Variants in GTF2I observed in about 807,000 individuals in gnomAD.
GTF2I encodes general transcription factor II-I.
GTF2I carries 12 observed loss-of-function variants against 67.6 expected under a neutral mutation model. The observed-to-expected ratio is 0.18, with a 90% confidence interval of 0.11 to 0.29. The LOEUF (loss-of-function observed/expected upper bound fraction) is 0.29, where lower values mean the gene tolerates loss of function less well. Among genes scored for constraint, GTF2I ranks in the 10% least tolerant of loss-of-function variants. The probability of loss-of-function intolerance (pLI) is 1.00; values close to 1 mark genes in which losing one functional copy is unlikely to be tolerated. For synonymous variants in GTF2I, 149 were observed against 197.0 expected (o/e 0.76, Z 2.04); for missense variants, 271 against 580.1 (o/e 0.47, Z 5.47).
intron 4 of GTF2I, 36 bp from the exon 5 acceptor site, chr7:74,700,211 A>G (rs782195918): frequency 5.0e-6 from 8 of 1,599,858 alleles, no homozygotes; most frequent in East Asian, 2.2e-5. Flanking sequence ...TAATCTTACC[A>G]TTGAATGATG....
rs1006675229 is a variant in GTF2I at position 74,663,008 on chromosome 7, A to C, written c.-6+4940A>C. On this transcript the variant is annotated intron_variant, in intron 1 of 34. Transcript: ENST00000573035. The stretch of plus-strand genomic sequence containing the variant: ...TGTTCTGGCATTTTCGATGACCCAT[A>C]GGTGGACAGGTTGTTATCATCTAAA... Among the ~76,000 whole-genome samples the C allele has an allele frequency of 2.0e-5, 3 of 152,124 alleles. No individual in the cohort carries two copies. The East Asian group carries it at 5.8e-4, about 29-fold the overall frequency.
intron 1 of GTF2I, among the ~76,000 whole-genome samples, chr7:74,661,886 T>TC (rs1392608880): frequency 2.4e-4 from 36 of 152,242 alleles, no homozygotes; most frequent in African/African-American, 7.9e-4. Flanking sequence ...TTGGCTTTTT[T>TC]CCCACTCTGA....
intron 1 of GTF2I, among the ~76,000 whole-genome samples, chr7:74,666,258 G>A (rs782810827): frequency 9.2e-5 from 14 of 152,182 alleles, no homozygotes; most frequent in Admixed American, 2.0e-4. Context: ...CATACATGAC[G>A]TGAGTAGAAT....
intron 8 of GTF2I, among the ~76,000 whole-genome samples, chr7:74,707,172 C>T (rs1359024337): frequency 6.6e-6 from 1 of 152,220 alleles, no homozygotes; most frequent in African/African-American, 2.4e-5. Context: ...TCTGTTCTGT[C>T]CTAGAACCGT....
rs137948053 is a variant in GTF2I at position 74,675,072 on chromosome 7, C to G, written c.-5-14052C>G. On this transcript the variant is annotated intron_variant, in intron 1 of 34. Coordinates refer to ENST00000573035, the MANE Select transcript of GTF2I (RefSeq NM_032999.4). The stretch of plus-strand genomic sequence containing the variant: ...TTTGCCATGTTGGCCAGGCTGGTGT[C>G]GAACTCCTGACCTCAGGTGATCCAC... Among the ~76,000 whole-genome samples, 870 of 145,094 alleles carry G rather than the reference C, an allele frequency of 6.0e-3. 10 individuals are homozygous for G. The highest frequency in any genetic ancestry group is 0.021 in the African/African-American group (825 of 39,088).
rs587667629 is a variant in GTF2I at position 74,666,215 on chromosome 7, C to G, written c.-6+8147C>G. On this transcript the variant is annotated intron_variant, in intron 1 of 34. Transcript: ENST00000573035. ...TGTTGTTCATTTTAATTTGTTATAT[C>G]TAGAAATTTAGCTCTTACTGTTGAC... is the stretch of plus-strand genomic sequence containing the variant. Among the ~76,000 whole-genome samples the G allele has an allele frequency of 2.0e-5, 3 of 152,266 alleles. No homozygotes were observed. In the South Asian group the frequency reaches 6.2e-4, roughly 32 times the overall value.
intron 6 of GTF2I, among the ~76,000 whole-genome samples, chr7:74,700,915 C>T (rs1314511641): frequency 6.6e-6 from 1 of 152,190 alleles, no homozygotes; most frequent in Admixed American, 6.5e-5. Flanking sequence ...CTAATGTCAT[C>T]GACTCGGCAA....
chr7:74,658,597 C>T (rs1445623171), intron 1 of GTF2I, among the ~76,000 whole-genome samples: 4 of 150,290 alleles, frequency 2.7e-5, no homozygotes, highest in African/African-American at 4.9e-5. Context: ...GCAGCAGACG[C>T]GCGGGATTGG....
At chr7:74,661,067 A>G (rs1804441472) in intron 1 of GTF2I, among the ~76,000 whole-genome samples, 1 of 152,152 alleles carries the variant, frequency 6.6e-6, no homozygotes, top group African/African-American at 2.4e-5. Flanking sequence ...ACAAGTCTAG[A>G]GAAGTTGGAG....
intron 14 of GTF2I, among the ~76,000 whole-genome samples, chr7:74,732,173 A>G (rs1489434390): frequency 1.3e-5 from 2 of 149,284 alleles, no homozygotes; most frequent in African/African-American, 4.9e-5. Flanking sequence ...AAACACATAT[A>G]CATATATATA....
At chr7:74,717,765 T>C (rs1225022464) in intron 11 of GTF2I, among the ~76,000 whole-genome samples, 4 of 152,236 alleles carry the variant, frequency 2.6e-5, no homozygotes, top group African/African-American at 9.6e-5. Flanking sequence ...TTTGATCTTT[T>C]ACCTTCTTTG....
chr7:74,677,393 G>T (rs1805992325), intron 1 of GTF2I, among the ~76,000 whole-genome samples: 1 of 152,038 alleles, frequency 6.6e-6, no homozygotes, highest in Non-Finnish European at 1.5e-5. Context: ...AGCGATACAT[G>T]AATTCATTTT....
intron 9 of GTF2I, among the ~76,000 whole-genome samples, chr7:74,712,947 C>T (rs1791802322): frequency 6.6e-6 from 1 of 152,108 alleles, no homozygotes; most frequent in Admixed American, 6.5e-5. Context: ...TTTCTCTGTG[C>T]ACCTCAGTGC....
At chr7:74,667,836 CTTT>C (rs76958371) in intron 1 of GTF2I, among the ~76,000 whole-genome samples, 3 of 138,708 alleles carry the variant, frequency 2.2e-5, no homozygotes, top group Admixed American at 7.3e-5. Context: ...CCAAAAGAAA[CTTT>C]TTTTTTTTTT....
At chr7:74,687,649 T>C (rs1275831024) in intron 1 of GTF2I, 10 of 585,808 alleles carry the variant, frequency 1.7e-5, no homozygotes, top group Non-Finnish European at 2.2e-5. Flanking sequence ...TCTTTAATAA[T>C]AGGGAAATAG....
At chr7:74,723,692 A>G (rs1433528107) in intron 12 of GTF2I, among the ~76,000 whole-genome samples, 1 of 151,746 alleles carries the variant, frequency 6.6e-6, no homozygotes, top group Non-Finnish European at 1.5e-5. Flanking sequence ...CGGCCTCCCA[A>G]AGTGCTAGGA....
intron 1 of GTF2I, among the ~76,000 whole-genome samples, chr7:74,671,212 G>A (rs1210189650): frequency 2.7e-5 from 4 of 148,860 alleles, no homozygotes; most frequent in South Asian, 2.1e-4. Context: ...TCAGCCTCCC[G>A]AGTAGCTGAG....
chr7:74,698,430 C>G (rs1326524649), intron 3 of GTF2I, among the ~76,000 whole-genome samples: 2 of 119,306 alleles, frequency 1.7e-5, no homozygotes, highest in African/African-American at 6.5e-5. Context: ...TTAAGAGACA[C>G]AGTCTCTATC....
chr7:74,700,166 T>C (rs1229216236), intron 4 of GTF2I, 81 bp from the exon 5 acceptor site: 1 of 1,441,058 alleles, frequency 6.9e-7, no homozygotes, highest in African/African-American at 1.4e-5. Context: ...GATGCCCTTA[T>C]TAAGCCACAA....
Sources: gnomAD v4.1 joint callset for allele counts (sites outside exome capture counted in the v4.1 genomes callset) on GRCh38, gnomAD v4.1.1 for gene constraint, MANE v1.5 for transcripts, NCBI Gene and HGNC (gene_info 2026-07-23, HGNC 2026-07-21) for gene names.